The following CDH12 variants were observed in gnomAD, a reference collection of about 807,000 sequenced individuals.
CDH12 encodes the protein cadherin-12.
Under a neutral mutation model 74.1 loss-of-function variants are expected in CDH12, and 41 were observed. That is an observed-to-expected ratio of 0.55 (90% CI 0.43 to 0.72). The LOEUF is 0.72. Ranked by LOEUF, CDH12 falls within the 30% of genes least tolerant of loss-of-function variation. The probability of loss-of-function intolerance (pLI) is 0.00; values close to 1 mark genes in which losing one functional copy is unlikely to be tolerated. For synonymous variants in CDH12, 399 were observed against 355.0 expected, an observed-to-expected ratio of 1.12 and a Z score of -1.39; for missense variants, 945 against 977.2, an observed-to-expected ratio of 0.97 and a Z score of 0.44.
chr5:22,078,337 G>A, intron 5 of CDH12, 109 bp downstream of exon 5: 1 of 888,266 alleles, frequency 1.1e-6, no homozygotes, highest in South Asian at 1.7e-5. Context: ...TTCAATTCCA[G>A]TGTTCTAGTC....
chr5:22,722,722 A>G (rs753924722), intron 1 of CDH12, among the ~76,000 whole-genome samples: 1 of 152,218 alleles, frequency 6.6e-6, no homozygotes, highest in African/African-American at 2.4e-5. Context: ...AAACAGATGT[A>G]TATCCATATT....
At chr5:21,897,429 G>C (rs1482805584) in intron 6 of CDH12, among the ~76,000 whole-genome samples, 1 of 152,152 alleles carries the variant, frequency 6.6e-6, no homozygotes, top group Admixed American at 6.5e-5. Context: ...GAGAAATAAA[G>C]CCTCAAATGT....
chr5:22,399,385 C>T (rs1416370461), intron 3 of CDH12, among the ~76,000 whole-genome samples: 1 of 152,062 alleles, frequency 6.6e-6, no homozygotes, highest in African/African-American at 2.4e-5. Flanking sequence ...ATAAAAACAA[C>T]AAAAACGTAA....
intron 5 of CDH12, among the ~76,000 whole-genome samples, chr5:21,986,524 A>C (rs1334242705): frequency 6.6e-6 from 1 of 152,166 alleles, no homozygotes; most frequent in Non-Finnish European, 1.5e-5. Flanking sequence ...GAGAAGGTTA[A>C]AATAACTTCT....
At chr5:22,752,559 T>TC (rs1561005345) in intron 1 of CDH12, among the ~76,000 whole-genome samples, 4 of 20,518 alleles carry the variant, frequency 1.9e-4, no homozygotes, top group Admixed American at 1.7e-3. Context: ...TTTTTTTTTT[T>TC]TTTTTTTTTT....
chr5:22,406,085 T>C (rs559701535), intron 2 of CDH12, among the ~76,000 whole-genome samples: 2 of 152,284 alleles, frequency 1.3e-5, no homozygotes, highest in South Asian at 4.1e-4. Flanking sequence ...CAATACTGGT[T>C]GAATCCATAG....
rs187947900 is a variant in CDH12, at chr5:22,730,975, A to C, written c.-523+122083T>G. 4.4e-3 allele frequency among the ~76,000 whole-genome samples: 662 copies of C among 151,950 alleles called. 5 individuals are homozygous for C. Among genetic ancestry groups the C allele is most frequent in the Non-Finnish European group, 7.3e-3 (493 of 67,812 alleles). On this transcript the variant is annotated intron_variant, in intron 1 of 14. Transcript: ENST00000382254. ...ACATAACCCAATTGAAAGATTAGAA[A>C]GATGTTGTTGCTAAGAATAAGGACG...
intron 1 of CDH12, among the ~76,000 whole-genome samples, chr5:22,834,361 T>C (rs1168963497): frequency 6.6e-6 from 1 of 152,122 alleles, no homozygotes; most frequent in African/African-American, 2.4e-5. Context: ...TGCAGAGAGA[T>C]TTAATGTACT....
At chr5:21,841,036 A>G (rs1325805167) in intron 8 of CDH12, among the ~76,000 whole-genome samples, 1 of 152,142 alleles carries the variant, frequency 6.6e-6, no homozygotes, top group Non-Finnish European at 1.5e-5. Flanking sequence ...GAGCTTCTGC[A>G]CAGCAAAAGA....
chr5:22,054,834 C>T (rs1332961636), intron 5 of CDH12, among the ~76,000 whole-genome samples: 2 of 152,108 alleles, frequency 1.3e-5, no homozygotes, highest in Non-Finnish European at 2.9e-5. Flanking sequence ...GAATAGGCTA[C>T]AGGACAGTGA....
chr5:22,307,984 C>T (rs1738194871), intron 3 of CDH12, among the ~76,000 whole-genome samples: 1 of 147,594 alleles, frequency 6.8e-6, no homozygotes, highest in Non-Finnish European at 1.5e-5. Flanking sequence ...GGGTTCACGC[C>T]ATTCTCCTGC....
At chr5:21,897,146 T>G (rs1405197456) in intron 6 of CDH12, among the ~76,000 whole-genome samples, 2 of 152,160 alleles carry the variant, frequency 1.3e-5, no homozygotes, top group African/African-American at 2.4e-5. Flanking sequence ...AAAGGTTATA[T>G]AAATACAATG....
chr5:22,452,316 A>G (rs908029000), intron 2 of CDH12, among the ~76,000 whole-genome samples: 37 of 152,060 alleles, frequency 2.4e-4, no homozygotes, highest in Non-Finnish European at 5.4e-4. Context: ...CCTGACTTCA[A>G]AATGTACTAC....
At chr5:22,218,921 C>T (rs115221834) in intron 3 of CDH12, among the ~76,000 whole-genome samples, 48 of 151,538 alleles carry the variant, frequency 3.2e-4, no homozygotes, top group African/African-American at 1.1e-3. Flanking sequence ...TATTTCTAAC[C>T]GTTTCTTAAA....
intron 3 of CDH12, among the ~76,000 whole-genome samples, chr5:22,311,432 C>CGGTGG (rs1738384351): frequency 6.6e-6 from 1 of 151,956 alleles, no homozygotes; most frequent in Non-Finnish European, 1.5e-5. Context: ...GGGCCGGGCG[C>CGGTGG]GGTGGCTCAC....
intron 11 of CDH12, among the ~76,000 whole-genome samples, chr5:21,781,857 GA>G (rs1306697194): frequency 6.6e-6 from 1 of 152,156 alleles, no homozygotes; most frequent in Non-Finnish European, 1.5e-5. Flanking sequence ...CCGAAGGAAT[GA>G]AAGTTCTGAT....
intron 3 of CDH12, among the ~76,000 whole-genome samples, chr5:22,248,147 A>G (rs1475299782): frequency 6.6e-6 from 1 of 152,130 alleles, no homozygotes; most frequent in Non-Finnish European, 1.5e-5. Context: ...TAATAATACA[A>G]AAATTAGCTG....
At chr5:22,120,502 C>G (rs1745445318) in intron 4 of CDH12, among the ~76,000 whole-genome samples, 1 of 152,028 alleles carries the variant, frequency 6.6e-6, no homozygotes, top group Non-Finnish European at 1.5e-5. Flanking sequence ...GATATGTTGA[C>G]ATGTTTATGA....
At chr5:22,240,775 C>A (rs1365639895) in intron 3 of CDH12, among the ~76,000 whole-genome samples, 5 of 152,266 alleles carry the variant, frequency 3.3e-5, no homozygotes, top group East Asian at 1.9e-4. Context: ...CTCAGGTGAT[C>A]CGCCCTCCTC....
Sources: allele counts gnomAD v4.1 joint callset (sites outside exome capture counted in the v4.1 genomes callset), GRCh38; gene constraint gnomAD v4.1.1; transcripts MANE v1.5; gene names NCBI Gene and HGNC (gene_info 2026-07-23, HGNC 2026-07-21).